TUBA3D: variants seen among roughly 807,000 people sequenced by gnomAD.
TUBA3D encodes the protein tubulin alpha-3D chain.
Under a neutral mutation model 36.1 loss-of-function variants are expected in TUBA3D, and 24 were observed. The observed-to-expected ratio is 0.66, with a 90% CI of 0.48 to 0.93. The LOEUF (loss-of-function observed/expected upper bound fraction) is 0.93. Ranked by LOEUF, TUBA3D falls within the 40% of genes least tolerant of loss-of-function variation. The probability of loss-of-function intolerance (pLI) is 0.00; values close to 1 mark genes in which losing one functional copy is unlikely to be tolerated. For synonymous variants in TUBA3D, 185 were observed against 247.2 expected (o/e 0.75, Z 2.36); for missense variants, 356 against 614.5 (o/e 0.58, Z 4.45).
At chr2:131,479,720 C>T (rs1355455613) in intron 3 of TUBA3D, among the ~76,000 whole-genome samples, 1 of 152,108 alleles carries the variant, frequency 6.6e-6, no homozygotes, top group African/African-American at 2.4e-5. Context: ...CACACCTGTA[C>T]TCCCAGCTAC....
chr2:131,476,245 C>T lies in TUBA3D; in HGVS notation c.3+43C>T, dbSNP rs759968747. On this transcript the variant is annotated intron_variant, in intron 1 of 4. Transcript: ENST00000321253. Reference sequence around the variant, plus strand: ...CCCGCCCCGCAGATGCCCAGGCAGACGAAGTTGGCCTCGGGTGGACAGAGG... The same window carrying T: ...CCCGCCCCGCAGATGCCCAGGCAGATGAAGTTGGCCTCGGGTGGACAGAGG... 5.0e-6 allele frequency: 8 copies of T among 1,613,704 alleles called. No individual in the cohort carries two copies. In the South Asian group the frequency reaches 6.6e-5, roughly 13 times the overall value.
In TUBA3D at chr2:131,482,726, G is replaced by A. The variant is rs771254070; in HGVS notation, c.1231G>A (p.Glu411Lys). 2.5e-6 allele frequency: 4 copies of A among 1,614,078 alleles called. No homozygotes were observed. Among genetic ancestry groups the A allele is most frequent in the East Asian group, 2.2e-5 (1 of 44,894 alleles). The stretch of plus-strand genomic sequence containing the variant: ...GGCCTTTGTGCACTGGTACGTGGGC[G>A]AAGGCATGGAAGAGGGAGAGTTCTC... ...KRAFVHWYVG[E>K]GMEEGEFSEA... The change falls in exon 5 of 5, where the codon GAA becomes AAA. Residue 411 changes from glutamate to lysine, a missense_variant. Physicochemically the swap from Glu to Lys is moderately conservative, Grantham distance 56 (BLOSUM62 1). Coordinates refer to ENST00000321253, the MANE Select transcript of TUBA3D (RefSeq NM_080386.4).
intron 1 of TUBA3D, among the ~76,000 whole-genome samples, chr2:131,476,561 C>T (rs114357361): frequency 1.9e-3 from 291 of 152,264 alleles, no homozygotes; most frequent in African/African-American, 6.3e-3. Context: ...CCTTCGGTGA[C>T]GGGGGTTGGG....
chr2:131,480,359 CACGT>C lies in TUBA3D; in HGVS notation c.669_672del (p.Tyr224ProfsTer6). 1 of 1,609,848 alleles carries C rather than the reference CACGT, an allele frequency of 6.2e-7. No homozygotes were observed. The highest frequency in any genetic ancestry group is 8.5e-7 in the Non-Finnish European group (1 of 1,179,860). On this transcript the variant is annotated frameshift_variant, in exon 4 of 5. Coordinates refer to ENST00000321253, the MANE Select transcript of TUBA3D (RefSeq NM_080386.4). LOFTEE classifies it high-confidence loss of function. ...GGCGCAACCTGGACATTGAACGTCCCACGTACACCAACCTCAATCGCCTGATTGG... is the reference window on the plus strand; with the variant it reads ...GGCGCAACCTGGACATTGAACGTCCCACACCAACCTCAATCGCCTGATTGG...
At position 131,481,260 on chromosome 2, in the gene TUBA3D, C is replaced by CTTTA. The variant is rs548434341; in HGVS notation, c.1056+531_1056+534dup. On this transcript the variant is annotated intron_variant, in intron 4 of 4. Transcript: ENST00000321253. ...CATCACACTATATATCTGTGGTGAGCTTTATTTATTTATTTATTTATTTTT... is the reference window on the plus strand; with the variant it reads ...CATCACACTATATATCTGTGGTGAGCTTTATTTATTTATTTATTTATTTATTTTT... 2.6e-3 allele frequency among the ~76,000 whole-genome samples: 388 copies of CTTTA among 151,450 alleles called. 1 individual carries two copies. Among genetic ancestry groups the CTTTA allele is most frequent in the Admixed American group, 3.9e-3 (60 of 15,206 alleles).
At chr2:131,479,698 G>C (rs369749280) in intron 3 of TUBA3D, among the ~76,000 whole-genome samples, 4 of 152,040 alleles carry the variant, frequency 2.6e-5, no homozygotes, top group Non-Finnish European at 5.9e-5. Flanking sequence ...AAATTAGCTG[G>C]GTGTGGGGGC....
At chr2:131,477,563 T>C (rs1678715319) in intron 1 of TUBA3D, among the ~76,000 whole-genome samples, 1 of 142,562 alleles carries the variant, frequency 7.0e-6, no homozygotes, top group African/African-American at 3.0e-5. Context: ...TGGCACTGCT[T>C]TCTCCAGCCC....
At position 131,479,452 on chromosome 2, in the gene TUBA3D, A is replaced by C. The variant is rs748109018; in HGVS notation, c.371A>C (p.Lys124Thr). 6.2e-7 allele frequency: 1 copy of C among 1,614,112 alleles called. No homozygotes were observed. The highest frequency in any genetic ancestry group is 2.2e-5 in the East Asian group (1 of 44,890). The change falls in exon 3 of 5, where the codon AAA becomes ACA. Residue 124 changes from lysine (K) to threonine (T), a missense_variant. Physicochemically the swap from Lys to Thr is moderately conservative, Grantham distance 78. Around this residue, in one of 3 missense-constraint regions of TUBA3D, gnomAD observed 91 missense variants for 240.9 expected, o/e 0.38. Coordinates refer to ENST00000321253, the MANE Select transcript of TUBA3D (RefSeq NM_080386.4). Reference sequence around the variant, plus strand: ...GACCTAGTCCTGGACCGGATCCGCAAACTGGTAAGAAGAGAAGGTTTCATG... The same window carrying C: ...GACCTAGTCCTGGACCGGATCCGCACACTGGTAAGAAGAGAAGGTTTCATG... ...IVDLVLDRIR[K>T]LADLCTGLQG...
At chr2:131,476,465 G>A (rs1309099276) in intron 1 of TUBA3D, among the ~76,000 whole-genome samples, 1 of 152,212 alleles carries the variant, frequency 6.6e-6, no homozygotes, top group African/African-American at 2.4e-5. Context: ...AGAGCAAATA[G>A]TGGCGTCGCC....
chr2:131,478,531 A>AAGGTTCGT (rs1174573837), intron 2 of TUBA3D, 145 bp downstream of exon 2: 1 of 1,400,678 alleles, frequency 7.1e-7, no homozygotes, highest in African/African-American at 1.5e-5. Context: ...GAGAAACTGA[A>AAGGTTCGT]AGGTTCGTGA....
chr2:131,478,034 A>G, intron 1 of TUBA3D, 130 bp from the exon 2 acceptor site: 3 of 1,284,034 alleles, frequency 2.3e-6, no homozygotes, highest in Admixed American at 5.4e-5. Flanking sequence ...TAACCCTCCT[A>G]GGAAATATCG....
chr2:131,478,143 C>T, intron 1 of TUBA3D, 21 bp from the exon 2 acceptor site: 16 of 1,605,034 alleles, frequency 1.0e-5, no homozygotes, highest in Non-Finnish European at 1.4e-5. Flanking sequence ...AATGGGTTCA[C>T]TTTTATGTTC....
chr2:131,481,855 C>T (rs1292462695), intron 4 of TUBA3D, among the ~76,000 whole-genome samples: 1 of 152,244 alleles, frequency 6.6e-6, no homozygotes, highest in Non-Finnish European at 1.5e-5. Flanking sequence ...CTTGAGCCAC[C>T]ACACCTGGCC....
At position 131,476,190 on chromosome 2, in the gene TUBA3D, G is replaced by T. The variant is rs139373599; in HGVS notation, c.-10G>T. ...GGCAGTAGCGTTGGGCTGAAGCAGC[G>T]GAGTTCGCCATGGTAAGGCCCGGGT... On this transcript the variant is annotated 5_prime_UTR_variant, in exon 1 of 5. Transcript: ENST00000321253. The T allele has an allele frequency of 5.6e-6, 9 of 1,613,922 alleles. No individual in the cohort carries two copies. The highest frequency in any genetic ancestry group is 7.6e-6 in the Non-Finnish European group (9 of 1,179,984).
At chr2:131,478,514 G>C (rs1678747907) in intron 2 of TUBA3D, 128 bp downstream of exon 2, 1 of 1,387,320 alleles carries the variant, frequency 7.2e-7, no homozygotes, top group Non-Finnish European at 9.6e-7. Flanking sequence ...CCATGGCATT[G>C]TTAGGAGAGA....
At chr2:131,481,429 C>T (rs977429246) in intron 4 of TUBA3D, among the ~76,000 whole-genome samples, 11 of 138,464 alleles carry the variant, frequency 7.9e-5, no homozygotes, top group South Asian at 2.3e-4. Context: ...ACACCATGCC[C>T]GGGTAATTTT....
intron 4 of TUBA3D, 114 bp downstream of exon 4, chr2:131,480,863 GT>G: frequency 7.0e-7 from 1 of 1,432,170 alleles, no homozygotes; most frequent in Non-Finnish European, 9.4e-7. Context: ...GGCTAGGCAT[GT>G]GGGCATAAAT....
intron 3 of TUBA3D, 107 bp downstream of exon 3, chr2:131,479,563 G>C (rs1678781202): frequency 6.4e-7 from 1 of 1,553,918 alleles, no homozygotes; most frequent in African/African-American, 1.4e-5. Context: ...ATCTTGGCCG[G>C]GCGCGGTGGC....
In TUBA3D at chr2:131,478,176, T is replaced by C. The variant is rs146767427; in HGVS notation, c.16T>C (p.Ser6Pro). 25 of 1,613,540 alleles carry C rather than the reference T, an allele frequency of 1.5e-5. No individual in the cohort carries two copies. The highest frequency in any genetic ancestry group is 2.1e-5 in the Non-Finnish European group (25 of 1,179,694). Residue 6 changes from serine (S) to proline (P), a missense_variant, in exon 2 of 5, where the codon TCT (serine) becomes CCT (proline). By Grantham distance (74) the Ser-to-Pro change is moderately conservative. This residue lies in a region of TUBA3D where 109 missense variants were observed against 153.7 expected (regional missense o/e 0.71). Transcript: ENST00000321253. ...TTCCTGTTCACAGCGCGAGTGTATC[T>C]CTATCCACGTGGGGCAGGCGGGTGT... is the stretch of plus-strand genomic sequence containing the variant. MRECISIHVGQAGVQI... is the reference protein window; with the variant it reads MRECIPIHVGQAGVQI...
Sources: allele counts gnomAD v4.1 joint callset (sites outside exome capture counted in the v4.1 genomes callset), GRCh38; gene constraint gnomAD v4.1.1; regional missense constraint gnomAD v4.1.1; transcripts MANE v1.5; gene names NCBI Gene and HGNC (gene_info 2026-07-23, HGNC 2026-07-21).